The following ATXN1 variants were observed in gnomAD, a reference collection of about 807,000 sequenced individuals.
ATXN1 encodes the protein ataxin 1.
Under a neutral mutation model 56.4 loss-of-function variants are expected in ATXN1, and 8 were observed. That is an observed-to-expected ratio of 0.14 (90% CI 0.08 to 0.26). The LOEUF (loss-of-function observed/expected upper bound fraction) is 0.26, where lower values mean the gene tolerates loss of function less well. ATXN1 is among the 10% of genes least tolerant of loss of function. The pLI is 1.00. For synonymous variants in ATXN1, 514 were observed against 494.6 expected (o/e 1.04, Z -0.52); for missense variants, 987 against 1,106.5 (o/e 0.89, Z 1.53).
chr6:16,331,083 C>G (rs945233404), intron 6 of ATXN1, among the ~76,000 whole-genome samples: 1 of 152,168 alleles, frequency 6.6e-6, no homozygotes, highest in Non-Finnish European at 1.5e-5. Flanking sequence ...TCACTGCAAC[C>G]TCCGCCTCCC....
intron 2 of ATXN1, among the ~76,000 whole-genome samples, chr6:16,709,044 G>T (rs1305273255): frequency 6.7e-6 from 1 of 148,480 alleles, no homozygotes; most frequent in African/African-American, 2.5e-5. Context: ...AAAAAGAAAA[G>T]AAAAGAAAAA....
chr6:16,732,894 G>C (rs1395400341), intron 2 of ATXN1, among the ~76,000 whole-genome samples: 1 of 152,150 alleles, frequency 6.6e-6, no homozygotes, highest in Non-Finnish European at 1.5e-5. Flanking sequence ...ATCCTAAACA[G>C]CTAAGACTGC....
At chr6:16,606,459 G>A (rs192077872) in intron 3 of ATXN1, among the ~76,000 whole-genome samples, 3 of 152,116 alleles carry the variant, frequency 2.0e-5, no homozygotes, top group Non-Finnish European at 2.9e-5. Context: ...GAGCCATGCA[G>A]GGGATAATGG....
At chr6:16,318,527 G>T (rs1183313018) in intron 7 of ATXN1, among the ~76,000 whole-genome samples, 3 of 152,078 alleles carry the variant, frequency 2.0e-5, no homozygotes, top group African/African-American at 7.2e-5. Flanking sequence ...GGGGGTAAGC[G>T]AGAGACCCAT....
intron 2 of ATXN1, chr6:16,739,688 G>A (rs973830213): frequency 2.4e-6 from 1 of 408,620 alleles, no homozygotes; most frequent in Non-Finnish European, 5.1e-6. Context: ...GTCGGAAACA[G>A]ACGTCAGACT....
chr6:16,647,974 G>C (rs576727002), intron 3 of ATXN1, among the ~76,000 whole-genome samples: 1 of 152,262 alleles, frequency 6.6e-6, no homozygotes, highest in East Asian at 1.9e-4. Context: ...TACTTGGGAG[G>C]CTGAGGCAGA....
intron 4 of ATXN1, among the ~76,000 whole-genome samples, chr6:16,582,090 G>T (rs181301274): frequency 6.6e-6 from 1 of 152,066 alleles, no homozygotes; most frequent in Non-Finnish European, 1.5e-5. Flanking sequence ...GGCCTGGTCC[G>T]GCTGTCAACA....
intron 5 of ATXN1, among the ~76,000 whole-genome samples, chr6:16,516,093 A>T (rs1317867514): frequency 6.6e-6 from 1 of 152,214 alleles, no homozygotes; most frequent in Non-Finnish European, 1.5e-5. Context: ...TGCTAAATTG[A>T]GTTTAATTTG....
intron 4 of ATXN1, among the ~76,000 whole-genome samples, chr6:16,525,854 T>C (rs1308474088): frequency 6.6e-6 from 1 of 151,122 alleles, no homozygotes. Flanking sequence ...AAAAAGTGGA[T>C]GAGACAAATG....
chr6:16,355,236 C>A (rs778841994), intron 6 of ATXN1, among the ~76,000 whole-genome samples: 2 of 152,294 alleles, frequency 1.3e-5, no homozygotes, highest in South Asian at 2.1e-4. Context: ...CCACAGATGC[C>A]GCTGTACTTT....
Position 16,306,128 on chromosome 6 carries a change from C to G in ATXN1, c.*201G>C, listed in dbSNP as rs111168. On this transcript the variant is annotated 3_prime_UTR_variant, in exon 8 of 8. Coordinates refer to ENST00000436367, the MANE Select transcript of ATXN1 (RefSeq NM_001128164.2). The surrounding 1 kb of genome is among the most constrained non-coding windows in gnomAD (Gnocchi z 5.2). ...CTCCTGCTGTGCCCTTCCTCCCGCCCGCTCACTGACAGACACTCGTGGAAA... is the reference window on the plus strand; with the variant it reads ...CTCCTGCTGTGCCCTTCCTCCCGCCGGCTCACTGACAGACACTCGTGGAAA... 101,977 of 579,822 alleles carry G rather than the reference C, an allele frequency of 0.18. 10,386 individuals carry two copies. The highest frequency in any genetic ancestry group is 0.26 in the Admixed American group (7,068 of 27,248). 35.9% of individuals were successfully genotyped at this position (579,822 alleles called of 1,614,324 possible).
intron 2 of ATXN1, among the ~76,000 whole-genome samples, chr6:16,677,028 T>C (rs9370919): frequency 0.027 from 4,128 of 152,312 alleles, 75 homozygotes; most frequent in Non-Finnish European, 0.034. Context: ...TAACACTTTT[T>C]TTAAAACAAT....
intron 3 of ATXN1, among the ~76,000 whole-genome samples, chr6:16,621,279 G>A (rs1461212781): frequency 6.6e-6 from 1 of 152,204 alleles, no homozygotes. Context: ...CAGTCTCAGA[G>A]CCCAGACAAT....
At chr6:16,753,725 G>A (rs1344553265) in intron 1 of ATXN1, among the ~76,000 whole-genome samples, 22 of 152,142 alleles carry the variant, frequency 1.4e-4, no homozygotes. Flanking sequence ...AATAGTAATT[G>A]AGCCAAAGCC....
intron 2 of ATXN1, among the ~76,000 whole-genome samples, chr6:16,735,173 G>C (rs1417138692): frequency 6.6e-6 from 1 of 152,186 alleles, no homozygotes; most frequent in Non-Finnish European, 1.5e-5. Flanking sequence ...CCTTGGGCAA[G>C]CTACTAACCC....
intron 2 of ATXN1, among the ~76,000 whole-genome samples, chr6:16,689,205 C>T (rs913530456): frequency 1.3e-5 from 2 of 152,030 alleles, no homozygotes; most frequent in Non-Finnish European, 1.5e-5. Flanking sequence ...CTTGAGTCTG[C>T]ATGACTCATG....
rs1761071626 is a variant in ATXN1 at position 16,760,891 on chromosome 6, G to A, written c.-730+407C>T. ...GCACTTGCGACCGGACCAGCAGCCG[G>A]GGGAGCGGGGCGCCGCCGCCGCTCT... On this transcript the variant is annotated intron_variant, in intron 1 of 7. Coordinates refer to ENST00000436367, the MANE Select transcript of ATXN1 (RefSeq NM_001128164.2). This position sits in a 1 kb window ranked among gnomAD's most constrained non-coding sequence, Gnocchi z 5.3. Among the ~76,000 whole-genome samples the A allele has an allele frequency of 1.4e-5, 2 of 148,120 alleles. No individual in the cohort carries two copies. The highest frequency in any genetic ancestry group is 2.5e-5 in the African/African-American group (1 of 40,650).
chr6:16,553,617 TCAGTTGA>T (rs947898832), intron 4 of ATXN1, among the ~76,000 whole-genome samples: 8 of 152,194 alleles, frequency 5.3e-5, no homozygotes, highest in Non-Finnish European at 1.2e-4. Context: ...CTCAAAAATA[TCAGTTGA>T]CAGACTGATT....
At chr6:16,358,933 C>A (rs993595850) in intron 6 of ATXN1, among the ~76,000 whole-genome samples, 2 of 152,184 alleles carry the variant, frequency 1.3e-5, no homozygotes, top group East Asian at 1.9e-4. Flanking sequence ...GGGAGCCCTG[C>A]CCCTTCCGAG....
Sources: allele counts gnomAD v4.1 joint callset (sites outside exome capture counted in the v4.1 genomes callset), GRCh38; gene constraint gnomAD v4.1.1; non-coding constraint Gnocchi (gnomAD v3.1); transcripts MANE v1.5; gene names NCBI Gene and HGNC (gene_info 2026-07-23, HGNC 2026-07-21).